Variants in SLC2A7 observed in about 807,000 individuals in gnomAD.
The protein encoded by SLC2A7 is solute carrier family 2 member 7, also known as solute carrier family 2, facilitated glucose transporter member 7.
A neutral mutation model predicts 50.5 loss-of-function variants in SLC2A7; 50 were observed. The ratio of observed to expected loss-of-function variants is 0.99; its 90% CI spans 0.79 to 1.25. SLC2A7 has a LOEUF of 1.25. Among genes scored for constraint, SLC2A7 ranks in the 50% most tolerant of loss-of-function variants. The pLI is 0.00. For missense variants in SLC2A7, 683 were observed against 679.1 expected, an observed-to-expected ratio of 1.01 and a Z score of -0.06; for synonymous variants, 308 against 300.4, an observed-to-expected ratio of 1.03 and a Z score of -0.26.
chr1:9,010,444 T>C (rs1640730610), intron 8 of SLC2A7, among the ~76,000 whole-genome samples, 200 bp from the exon 9 acceptor site: 1 of 152,174 alleles, frequency 6.6e-6, no homozygotes, highest in Non-Finnish European at 1.5e-5. Context: ...CTGCAACCTC[T>C]GCCTCCCAGG....
intron 8 of SLC2A7, 123 bp from the exon 9 acceptor site, chr1:9,010,367 C>CT (rs1020726395): frequency 3.0e-4 from 222 of 751,822 alleles, no homozygotes; most frequent in East Asian, 5.2e-4. Context: ...GTCTTTCTTT[C>CT]TTTTTTTTTA....
At chr1:9,015,854 G>A (rs962744511) in intron 5 of SLC2A7, among the ~76,000 whole-genome samples, 5 of 151,772 alleles carry the variant, frequency 3.3e-5, no homozygotes, top group African/African-American at 1.2e-4. Context: ...TTCCTGAGTG[G>A]CTGGAACTAC....
In SLC2A7 at chr1:9,015,866, C is replaced by T. The variant is rs574604434; in HGVS notation, c.590-624G>A. 5.9e-5 allele frequency among the ~76,000 whole-genome samples: 9 copies of T among 151,410 alleles called. No individual in the cohort carries two copies. In the South Asian group the frequency reaches 1.0e-3, roughly 18 times the overall value. ...AGCTTCCTGAGTGGCTGGAACTACACGCGTGCATTACCGCACCTGGCTCAT... is the reference window on the plus strand; with the variant it reads ...AGCTTCCTGAGTGGCTGGAACTACATGCGTGCATTACCGCACCTGGCTCAT... On this transcript the variant is annotated intron_variant, in intron 5 of 11. Transcript: ENST00000400906.
At chr1:8,996,406 T>C in the SLC2A7 span, among the ~76,000 whole-genome samples, 1 of 152,234 alleles carries the variant, frequency 6.6e-6, no homozygotes, top group African/African-American at 2.4e-5. Flanking sequence ...TAGGCCACTG[T>C]TTGCTTACCC....
rs1313828277 is a variant in SLC2A7 at position 9,003,301 on chromosome 1, TA to T, written c.1537del (p.Ter513SerfsTer5). The T allele has an allele frequency of 6.2e-7, 1 of 1,614,140 alleles. No homozygotes were observed. Among genetic ancestry groups the T allele is most frequent in the Non-Finnish European group, 8.5e-7 (1 of 1,179,994 alleles). ...GCTCCCGTCCTTCATGCAGGGCCACTAAAAGGAAGTTTCCTTGGCAGGAGAG... is the reference window on the plus strand; with the variant it reads ...GCTCCCGTCCTTCATGCAGGGCCACTAAAGGAAGTTTCCTTGGCAGGAGAG... Reference protein sequence around the residue: ...TASPAKETSF* With the variant: ...TASPAKETSFX On this transcript the variant is annotated frameshift_variant and stop_lost, in exon 12 of 12. Coordinates refer to ENST00000400906, the MANE Select transcript of SLC2A7 (RefSeq NM_207420.3). LOFTEE classifies it high-confidence loss of function.
Position 9,022,373 on chromosome 1 carries a change from G to T in SLC2A7, c.311+545C>A, listed in dbSNP as rs1640924253. ...GGAGTCACGTCTTTGGAGCACCTGG[G>T]CTTAGGAAGAATGATTAGTGAATCT... is the stretch of plus-strand genomic sequence containing the variant. On this transcript the variant is annotated intron_variant, in intron 3 of 11. Coordinates refer to ENST00000400906, the MANE Select transcript of SLC2A7 (RefSeq NM_207420.3). 2.6e-5 allele frequency among the ~76,000 whole-genome samples: 4 copies of T among 152,160 alleles called. No homozygotes were observed. The South Asian group carries it at 8.3e-4, about 32-fold the overall frequency.
chr1:9,003,602 A>T lies in SLC2A7; in HGVS notation c.1321-84T>A, dbSNP rs1434867584. ...GCTGAGCACGTTGGCTCATGCCTGT[A>T]ATCCCAGCACTTTGGGAGGCCAAGA... On this transcript the variant is annotated intron_variant, in intron 11 of 11. Transcript: ENST00000400906. 5.5e-6 allele frequency: 7 copies of T among 1,264,428 alleles called. No individual in the cohort carries two copies. In the East Asian group the frequency reaches 1.7e-4, roughly 31 times the overall value. The allele number at this position is 1,264,428 out of a possible 1,614,324, so 78.3% of individuals were successfully genotyped here.
At chr1:8,998,261 CTGG>C (rs1195838597), downstream of SLC2A7, among the ~76,000 whole-genome samples, 3 of 152,018 alleles carry the variant, frequency 2.0e-5, no homozygotes, top group Non-Finnish European at 2.9e-5. Context: ...AAAAATTAGC[CTGG>C]TGTGGTGGCG....
chr1:8,997,901 T>C, the SLC2A7 span, among the ~76,000 whole-genome samples: 1 of 152,234 alleles, frequency 6.6e-6, no homozygotes, highest in Non-Finnish European at 1.5e-5. Context: ...TTTAGTGTGT[T>C]GTGTAACCTA....
chr1:9,008,971 C>G lies in SLC2A7; in HGVS notation c.1116+1172G>C, dbSNP rs569188284. ...AACTTTAATTGATTTATGAGCATCA[C>G]TAACACTGTTCGTCGCCAGGCCTTG... On this transcript the variant is annotated intron_variant, in intron 9 of 11. Transcript: ENST00000400906. The surrounding 1 kb of genome is among the most constrained non-coding windows in gnomAD (Gnocchi z 5.9). 1.3e-5 allele frequency among the ~76,000 whole-genome samples: 2 copies of G among 152,340 alleles called. No homozygotes were observed. Among genetic ancestry groups the G allele is most frequent in the South Asian group, 4.1e-4 (2 of 4,828 alleles).
intron 4 of SLC2A7, among the ~76,000 whole-genome samples, chr1:9,018,613 C>T (rs769298891): frequency 5.3e-5 from 8 of 152,230 alleles, no homozygotes; most frequent in Admixed American, 1.3e-4. Context: ...TTCTAGCCAC[C>T]GGGCTGGGCC....
the SLC2A7 span, among the ~76,000 whole-genome samples, chr1:8,997,520 C>T: frequency 6.6e-6 from 1 of 152,218 alleles, no homozygotes; most frequent in African/African-American, 2.4e-5. Context: ...CCTACCTCAG[C>T]CTCCCGAGTA....
rs1292012087 is a variant in SLC2A7, at chr1:9,008,747, C to T, written c.1117-1362G>A. Among the ~76,000 whole-genome samples, 1 of 152,110 alleles carries T rather than the reference C, an allele frequency of 6.6e-6. No individual in the cohort carries two copies. The highest frequency in any genetic ancestry group is 1.5e-5 in the Non-Finnish European group (1 of 68,022). On this transcript the variant is annotated intron_variant, in intron 9 of 11. Coordinates refer to ENST00000400906, the MANE Select transcript of SLC2A7 (RefSeq NM_207420.3). The surrounding 1 kb of genome is among the most constrained non-coding windows in gnomAD (Gnocchi z 5.9). The stretch of plus-strand genomic sequence containing the variant: ...GAGTAACTGGGATTACAGGCACACG[C>T]CACCACACCCGACTAAATTTTGTAT...
rs770450710 is a variant in SLC2A7 at position 9,003,452 on chromosome 1, A to C, written c.1387T>G (p.Tyr463Asp). 1 of 1,614,236 alleles carries C rather than the reference A, an allele frequency of 6.2e-7. No homozygotes were observed. Residue 463 changes from tyrosine to aspartate, a missense_variant, in exon 12 of 12, where the codon TAC becomes GAC. Physicochemically the swap from Tyr to Asp is radical, Grantham distance 160. Transcript: ENST00000400906. ...GICLLTAIYIYVVIPETKGKT... is the reference protein window; with the variant it reads ...GICLLTAIYIDVVIPETKGKT... ...CCCTTGGTCTCCGGAATAACCACGT[A>C]GATGTAAATCGCAGTGAGGAGGCAG...
At chr1:9,013,493 T>C (rs768174122) in intron 8 of SLC2A7, 32 bp downstream of exon 8, 1 of 1,592,190 alleles carries the variant, frequency 6.3e-7, no homozygotes, top group Admixed American at 1.7e-5. Context: ...CCAGAGACCC[T>C]CCAGCAGGAA....
At position 9,018,378 on chromosome 1, in the gene SLC2A7, G is replaced by C; in HGVS notation, c.437-3C>G. 1 of 1,613,496 alleles carries C rather than the reference G, an allele frequency of 6.2e-7. No homozygotes were observed. The highest frequency in any genetic ancestry group is 8.5e-7 in the Non-Finnish European group (1 of 1,179,972). ...GGGAAGGGCGCTGTAGGAGATGCCT[G>C]GTTTGGGCACAGCAGAAATCAGGGC... On this transcript the variant is annotated splice_region_variant and splice_polypyrimidine_tract_variant and intron_variant, in intron 4 of 11. Transcript: ENST00000400906.
intron 4 of SLC2A7, 59 bp downstream of exon 4, chr1:9,019,150 C>T: frequency 6.4e-7 from 1 of 1,573,386 alleles, no homozygotes; most frequent in South Asian, 1.2e-5. Context: ...CTCCTGCTTC[C>T]AGCCTTGGCC....
Position 9,014,825 on chromosome 1 carries a change from C to T in SLC2A7, c.759G>A (p.Leu253=). The T allele has an allele frequency of 6.2e-7, 1 of 1,605,722 alleles. No individual in the cohort carries two copies. Among genetic ancestry groups the T allele is most frequent in the Non-Finnish European group, 8.5e-7 (1 of 1,176,978 alleles). The change falls in exon 7 of 12, where the codon CTG becomes CTA. Residue 253 remains leucine, a synonymous_variant. Coordinates refer to ENST00000400906, the MANE Select transcript of SLC2A7 (RefSeq NM_207420.3). ...LRGHTDMEAE[L]EDMRAEARAE... ...CCCGGGCCTCCGCACGCATGTCCTC[C>T]AGCTCGGCCTCCATGTCCGTGTGGC...
intron 3 of SLC2A7, among the ~76,000 whole-genome samples, chr1:9,021,948 T>A (rs1277044703): frequency 6.6e-6 from 1 of 151,848 alleles, no homozygotes; most frequent in African/African-American, 2.4e-5. Context: ...CATCACAGTC[T>A]GGATGACCAA....
Sources: gnomAD v4.1 joint callset for allele counts (sites outside exome capture counted in the v4.1 genomes callset) on GRCh38, gnomAD v4.1.1 for gene constraint, Gnocchi (gnomAD v3.1) non-coding constraint, MANE v1.5 for transcripts, NCBI Gene and HGNC (gene_info 2026-07-23, HGNC 2026-07-21) for gene names.